EPS15: variants seen among roughly 807,000 people sequenced by gnomAD.
EPS15 encodes the protein epidermal growth factor receptor pathway substrate 15.
In EPS15, 72 loss-of-function variants were observed where a neutral mutation model predicts 113.8. That is an observed-to-expected ratio of 0.63 (90% CI 0.52 to 0.77). EPS15 has a LOEUF of 0.77. Among genes scored for constraint, EPS15 ranks in the 30% least tolerant of loss-of-function variants. The pLI, the probability that EPS15 is intolerant of heterozygous loss-of-function variation, is 0.00. For missense variants in EPS15, 1,048 were observed against 1,045.8 expected, an observed-to-expected ratio of 1.00 and a Z score of -0.03; for synonymous variants, 344 against 363.4, an observed-to-expected ratio of 0.95 and a Z score of 0.61.
At chr1:51,458,437 A>G (rs1031020504) in intron 8 of EPS15, 112 of 343,270 alleles carry the variant, frequency 3.3e-4, no homozygotes, top group African/African-American at 2.2e-3. Flanking sequence ...CATCTACTCT[A>G]ACTATATTTT....
chr1:51,356,773 C>A lies in EPS15; in HGVS notation c.2618G>T (p.Arg873Leu). 1.2e-6 allele frequency: 2 copies of A among 1,613,818 alleles called. No individual in the cohort carries two copies. The highest frequency in any genetic ancestry group is 1.1e-5 in the South Asian group (1 of 91,066). ...SEREEEQRLA[R>L]LNQQEQEDLE... ...GTCTTCTTGTTCCTGCTGATTTAGT[C>A]GGGCAAGCCTCTGCTCTTCCTCTCT... Residue 873 changes from arginine (R) to leucine (L), a missense_variant, in exon 25 of 25, where the codon CGA becomes CTA. Physicochemically the swap from Arg to Leu is moderately radical, Grantham distance 102 (BLOSUM62 -2). Coordinates refer to ENST00000371733, the MANE Select transcript of EPS15 (RefSeq NM_001981.3).
At chr1:51,483,088 G>A (rs1644051051) in intron 1 of EPS15, among the ~76,000 whole-genome samples, 1 of 152,090 alleles carries the variant, frequency 6.6e-6, no homozygotes, top group Non-Finnish European at 1.5e-5. Flanking sequence ...GAAATCTCAT[G>A]CCATCCCACC....
intron 12 of EPS15, chr1:51,423,171 C>T (rs1212959351): frequency 7.8e-7 from 1 of 1,283,416 alleles, no homozygotes; most frequent in African/African-American, 1.5e-5. Context: ...TACACTGTTA[C>T]TTTTAAACAT....
chr1:51,442,982 T>C (rs1248164338), intron 11 of EPS15, among the ~76,000 whole-genome samples: 2 of 152,022 alleles, frequency 1.3e-5, no homozygotes, highest in Non-Finnish European at 2.9e-5. Context: ...AAAAACCAGA[T>C]TAAAGAGAAA....
intron 1 of EPS15, among the ~76,000 whole-genome samples, chr1:51,497,463 G>A (rs191894898): frequency 1.1e-4 from 17 of 152,190 alleles, no homozygotes; most frequent in South Asian, 2.1e-4. Context: ...TAATGCCCTC[G>A]AAATGATACA....
Position 51,408,116 on chromosome 1 carries a change from T to C in EPS15, c.1473+19A>G, listed in dbSNP as rs776694005. 1 of 1,605,662 alleles carries C rather than the reference T, an allele frequency of 6.2e-7. No homozygotes were observed. Among genetic ancestry groups the C allele is most frequent in the South Asian group, 1.1e-5 (1 of 90,906 alleles). On this transcript the variant is annotated intron_variant, in intron 15 of 24. Transcript: ENST00000371733. ...CAGAGGATCCATTTGAATATATTTC[T>C]TGCTTTACAAAGACTTACTGAACTA...
At chr1:51,382,789 C>T (rs766998505) in intron 21 of EPS15, among the ~76,000 whole-genome samples, 3 of 152,122 alleles carry the variant, frequency 2.0e-5, no homozygotes, top group Non-Finnish European at 4.4e-5. Flanking sequence ...CATGACTTCA[C>T]GGGTGAATTC....
chr1:51,431,762 T>C (rs559423484), intron 12 of EPS15, among the ~76,000 whole-genome samples: 2 of 152,258 alleles, frequency 1.3e-5, no homozygotes, highest in South Asian at 2.1e-4. Context: ...TATAAATTTA[T>C]TTTGCAAATC....
At chr1:51,509,933 C>T (rs560607501) in intron 1 of EPS15, among the ~76,000 whole-genome samples, 4 of 152,294 alleles carry the variant, frequency 2.6e-5, no homozygotes, top group African/African-American at 4.8e-5. Flanking sequence ...AATCAATATC[C>T]GAGTTGCTTA....
intron 1 of EPS15, among the ~76,000 whole-genome samples, chr1:51,489,824 G>C (rs1162191881): frequency 6.6e-6 from 1 of 152,094 alleles, no homozygotes; most frequent in Non-Finnish European, 1.5e-5. Context: ...AGGTCTTACT[G>C]TTTTCTCTCT....
intron 8 of EPS15, among the ~76,000 whole-genome samples, chr1:51,454,735 G>GT (rs1368882453): frequency 6.6e-6 from 1 of 152,166 alleles, no homozygotes; most frequent in Non-Finnish European, 1.5e-5. Context: ...ATTGGATCCT[G>GT]TGACAGAAAG....
chr1:51,495,398 T>C (rs1012825757), intron 1 of EPS15, among the ~76,000 whole-genome samples: 29 of 151,816 alleles, frequency 1.9e-4, no homozygotes, highest in Non-Finnish European at 8.8e-5. Context: ...GTTTTACAGT[T>C]CTTGACTGGT....
intron 12 of EPS15, among the ~76,000 whole-genome samples, chr1:51,422,835 G>A (rs565155875): frequency 8.5e-5 from 13 of 152,304 alleles, no homozygotes; most frequent in Middle Eastern, 6.8e-3. Context: ...GGTAAAAGGC[G>A]GCAACATGGA....
intron 1 of EPS15, among the ~76,000 whole-genome samples, chr1:51,507,603 G>A (rs183036531): frequency 6.6e-6 from 1 of 152,080 alleles, no homozygotes; most frequent in East Asian, 1.9e-4. Flanking sequence ...GGAAGTTGCA[G>A]TGGGCTGAGA....
intron 1 of EPS15, among the ~76,000 whole-genome samples, chr1:51,508,346 A>AAGAGAGAAAGAG (rs1491059732): frequency 7.9e-6 from 1 of 126,070 alleles, no homozygotes; most frequent in Non-Finnish European, 1.8e-5. Flanking sequence ...GAGAGAAAGA[A>AAGAGAGAAAGAG]AGAAAGAAAG....
intron 8 of EPS15, among the ~76,000 whole-genome samples, chr1:51,452,232 T>A (rs990458896): frequency 6.6e-6 from 1 of 151,974 alleles, no homozygotes; most frequent in African/African-American, 2.4e-5. Flanking sequence ...TAATCATATA[T>A]TAAGTTTTGT....
intron 12 of EPS15, among the ~76,000 whole-genome samples, chr1:51,440,089 C>CT (rs1207410302): frequency 6.6e-6 from 1 of 151,970 alleles, no homozygotes; most frequent in East Asian, 1.9e-4. Context: ...TTGGCAGTGA[C>CT]TTTTCAGTGG....
In EPS15 at chr1:51,354,415, TATG is replaced by T. The variant is rs1646172042; in HGVS notation, c.*2282_*2284del. 5.5e-6 allele frequency: 1 copy of T among 180,250 alleles called. No homozygotes were observed. Among genetic ancestry groups the T allele is most frequent in the African/African-American group, 2.4e-5 (1 of 42,354 alleles). The allele number at this position is 180,250 out of a possible 1,614,324, so 11.2% of individuals were successfully genotyped here. ...GCAAAACTCAATTGCAAATTGGATA[TATG>T]GATGGGATTCTTTATTATTACTTAA... is the stretch of plus-strand genomic sequence containing the variant. On this transcript the variant is annotated 3_prime_UTR_variant, in exon 25 of 25. Coordinates refer to ENST00000371733, the MANE Select transcript of EPS15 (RefSeq NM_001981.3).
chr1:51,401,769 G>A (rs555449123), intron 18 of EPS15, among the ~76,000 whole-genome samples: 6 of 152,214 alleles, frequency 3.9e-5, no homozygotes, highest in East Asian at 1.9e-4. Context: ...TTAGAAGGCC[G>A]AGGCAGGCGG....
Sources: gnomAD v4.1 joint callset for allele counts (sites outside exome capture counted in the v4.1 genomes callset) on GRCh38, gnomAD v4.1.1 for gene constraint, MANE v1.5 for transcripts, NCBI Gene and HGNC (gene_info 2026-07-23, HGNC 2026-07-21) for gene names.